The following PPFIA1 variants were observed in gnomAD, a reference collection of about 807,000 sequenced individuals.
The protein encoded by PPFIA1 is liprin-alpha-1.
Under a neutral mutation model 149.9 loss-of-function variants are expected in PPFIA1, and 25 were observed. The ratio of observed to expected loss-of-function variants is 0.17; its 90% CI spans 0.12 to 0.23. The LOEUF is 0.23. Among genes scored for constraint, PPFIA1 ranks in the 10% least tolerant of loss-of-function variants. The pLI is 1.00. For missense variants in PPFIA1, 1,362 were observed against 1,506.5 expected (o/e 0.90, Z 1.59); for synonymous variants, 549 against 552.8 (o/e 0.99, Z 0.10).
Position 70,327,428 on chromosome 11 carries a change from A to G in PPFIA1, c.930+610A>G, listed in dbSNP as rs141240046. The G allele has an allele frequency of 6.0e-3, 923 of 152,622 alleles. 6 individuals carry two copies. Among genetic ancestry groups the G allele is most frequent in the Non-Finnish European group, 9.4e-3 (645 of 68,276 alleles). 9.5% of individuals were successfully genotyped at this position (152,622 alleles called of 1,614,324 possible). ...GATCGTATAGCAAAAATATGTCACAATATACTCATTGCTGACAAATATTTC... is the reference window on the plus strand; with the variant it reads ...GATCGTATAGCAAAAATATGTCACAGTATACTCATTGCTGACAAATATTTC... On this transcript the variant is annotated intron_variant, in intron 7 of 27. Transcript: ENST00000253925.
intron 2 of PPFIA1, among the ~76,000 whole-genome samples, chr11:70,276,307 C>T (rs556255249): frequency 6.6e-6 from 1 of 150,548 alleles, no homozygotes; most frequent in African/African-American, 2.5e-5. Context: ...TGTTTGTAGC[C>T]TGGGGAAGCA....
chr11:70,378,242 A>T, intron 26 of PPFIA1, 47 bp downstream of exon 26: 1 of 1,585,958 alleles, frequency 6.3e-7, no homozygotes, highest in Non-Finnish European at 8.6e-7. Context: ...GAGCATGAGC[A>T]GCTTTCTGTC....
In PPFIA1 at chr11:70,326,811, T is replaced by A; in HGVS notation, c.923T>A (p.Val308Asp). The A allele has an allele frequency of 6.2e-7, 1 of 1,612,752 alleles. No individual in the cohort carries two copies. The highest frequency in any genetic ancestry group is 8.5e-7 in the Non-Finnish European group (1 of 1,178,948). The change falls in exon 7 of 28, where the codon GTC (valine) becomes GAC (aspartate). Residue 308 changes from valine (V) to aspartate (D), a missense_variant. By Grantham distance (152) the Val-to-Asp change is radical. Transcript: ENST00000253925. Reference sequence around the variant, plus strand: ...ATGAACACAAAATTGCAACGAGATGTCCGTGAAGTGAGCAATAACAAAAAC... The same window carrying A: ...ATGAACACAAAATTGCAACGAGATGACCGTGAAGTGAGCAATAACAAAAAC... Reference protein sequence around the residue: ...EEMNTKLQRDVREAMAQKEDM... With the variant: ...EEMNTKLQRDDREAMAQKEDM...
intron 2 of PPFIA1, among the ~76,000 whole-genome samples, chr11:70,317,800 G>A (rs189978168): frequency 2.0e-5 from 3 of 152,250 alleles, no homozygotes; most frequent in Admixed American, 6.5e-5. Flanking sequence ...TGCATCATCC[G>A]AGTTGTGAAG....
At chr11:70,294,749 A>G (rs1389039904) in intron 2 of PPFIA1, among the ~76,000 whole-genome samples, 1 of 151,612 alleles carries the variant, frequency 6.6e-6, no homozygotes, top group Non-Finnish European at 1.5e-5. Flanking sequence ...GGGAGTGGTG[A>G]TGACTCTTAA....
chr11:70,282,310 T>G (rs1271708346), intron 2 of PPFIA1: 1 of 152,364 alleles, frequency 6.6e-6, no homozygotes, highest in Non-Finnish European at 1.5e-5. Flanking sequence ...GCTAGGGAGG[T>G]AGGAGAGGTT....
At chr11:70,329,400 T>C (rs1422497149) in intron 7 of PPFIA1, among the ~76,000 whole-genome samples, 2 of 152,212 alleles carry the variant, frequency 1.3e-5, no homozygotes, top group Non-Finnish European at 2.9e-5. Flanking sequence ...TTCATTCACA[T>C]TTGAGAAAAT....
At chr11:70,370,625 T>C (rs1199507275) in intron 21 of PPFIA1, among the ~76,000 whole-genome samples, 3 of 151,974 alleles carry the variant, frequency 2.0e-5, no homozygotes, top group Admixed American at 2.0e-4. Flanking sequence ...TGACCAAAGG[T>C]GATCCGCCTG....
rs918258295 is a variant in PPFIA1, at chr11:70,343,970, A to G, written c.1931+78A>G. 11 of 1,210,056 alleles carry G rather than the reference A, an allele frequency of 9.1e-6. No individual in the cohort carries two copies. The South Asian group carries it at 1.2e-4, about 13-fold the overall frequency. 75.0% of individuals were successfully genotyped at this position (1,210,056 alleles called of 1,614,324 possible). On this transcript the variant is annotated intron_variant, in intron 15 of 27. Coordinates refer to ENST00000253925, the MANE Select transcript of PPFIA1 (RefSeq NM_003626.5). ...TCTCATCTTGCCTGGAAAAGTCTGG[A>G]TGAAATACTATTAACATTTTCTAAG...
chr11:70,353,175 A>G (rs1025938297), intron 16 of PPFIA1, among the ~76,000 whole-genome samples: 1 of 152,178 alleles, frequency 6.6e-6, no homozygotes, highest in Non-Finnish European at 1.5e-5. Context: ...GTGGGGCTAC[A>G]GTAGGATTGA....
At chr11:70,380,303 C>T (rs1346481200) in intron 26 of PPFIA1, among the ~76,000 whole-genome samples, 1 of 151,696 alleles carries the variant, frequency 6.6e-6, no homozygotes, top group African/African-American at 2.4e-5. Flanking sequence ...CTCGGTGGCT[C>T]ACGCCTGTAA....
chr11:70,361,037 A>G (rs1405339931), intron 19 of PPFIA1, among the ~76,000 whole-genome samples: 2 of 152,344 alleles, frequency 1.3e-5, no homozygotes, highest in East Asian at 1.9e-4. Flanking sequence ...TGAAATACCT[A>G]TGTTAGAGAG....
At chr11:70,295,244 A>C (rs1182538400) in intron 2 of PPFIA1, among the ~76,000 whole-genome samples, 5 of 90,884 alleles carry the variant, frequency 5.5e-5, no homozygotes, top group Admixed American at 1.1e-4. Context: ...TGACCCCCCC[A>C]CCTCCCTCCC....
At chr11:70,277,622 C>CTGGGACTAT (rs1384683732) in intron 2 of PPFIA1, among the ~76,000 whole-genome samples, 2 of 152,062 alleles carry the variant, frequency 1.3e-5, no homozygotes, top group Admixed American at 6.6e-5. Flanking sequence ...TTCTGAGTAG[C>CTGGGACTAT]TGGGACTATA....
chr11:70,352,828 G>A (rs1367681651), intron 16 of PPFIA1, among the ~76,000 whole-genome samples: 1 of 148,794 alleles, frequency 6.7e-6, no homozygotes, highest in Non-Finnish European at 1.5e-5. Flanking sequence ...GTCGGAGGGC[G>A]GCGTGTGGAG....
chr11:70,338,460 T>C lies in PPFIA1; in HGVS notation c.1571+7T>C, dbSNP rs926230761. 2.5e-6 allele frequency: 4 copies of C among 1,600,282 alleles called. No individual in the cohort carries two copies. In the African/African-American group the frequency reaches 4.0e-5, roughly 16 times the overall value. Reference sequence around the variant, plus strand: ...GTGCTTCACTTCATCATGGGTATGGTATTAACCAGTGAGCAGCCATATTGT... The same window carrying C: ...GTGCTTCACTTCATCATGGGTATGGCATTAACCAGTGAGCAGCCATATTGT... On this transcript the variant is annotated splice_region_variant and intron_variant, in intron 13 of 27. Transcript: ENST00000253925.
At chr11:70,328,651 A>G (rs1003825068) in intron 7 of PPFIA1, among the ~76,000 whole-genome samples, 2 of 152,022 alleles carry the variant, frequency 1.3e-5, no homozygotes, top group African/African-American at 4.8e-5. Flanking sequence ...GAATCTCCAC[A>G]CTGTCTTCCA....
chr11:70,325,707 G>A (rs903713456), intron 5 of PPFIA1, 133 bp downstream of exon 5: 15 of 621,948 alleles, frequency 2.4e-5, no homozygotes, highest in South Asian at 1.2e-4. Flanking sequence ...CGAGGCGGGC[G>A]GATCACCTGA....
intron 21 of PPFIA1, among the ~76,000 whole-genome samples, chr11:70,369,390 G>C (rs1289822633): frequency 6.6e-6 from 1 of 151,972 alleles, no homozygotes; most frequent in Non-Finnish European, 1.5e-5. Flanking sequence ...GCAATATTTT[G>C]TTACATATTT....
Sources: allele counts gnomAD v4.1 joint callset (sites outside exome capture counted in the v4.1 genomes callset), GRCh38; gene constraint gnomAD v4.1.1; transcripts MANE v1.5; gene names NCBI Gene and HGNC (gene_info 2026-07-23, HGNC 2026-07-21).